The following STAU2 variants were observed in gnomAD, a reference collection of about 807,000 sequenced individuals.
STAU2 encodes staufen double-stranded RNA binding protein 2.
STAU2 carries 20 observed loss-of-function variants against 65.9 expected under a neutral mutation model. The ratio of observed to expected loss-of-function variants is 0.30; its 90% CI spans 0.21 to 0.44. The LOEUF (loss-of-function observed/expected upper bound fraction) is 0.44, where lower values mean the gene tolerates loss of function less well. Ranked by LOEUF, STAU2 falls within the 20% of genes least tolerant of loss-of-function variation. STAU2 has a pLI of 1.00. For synonymous variants in STAU2, 232 were observed against 233.9 expected (o/e 0.99, Z 0.07); for missense variants, 558 against 683.9 (o/e 0.82, Z 2.05).
At chr8:73,500,287 T>C (rs760332073) in intron 13 of STAU2, among the ~76,000 whole-genome samples, 2 of 151,924 alleles carry the variant, frequency 1.3e-5, no homozygotes, top group African/African-American at 4.8e-5. Flanking sequence ...TACCTCTAGA[T>C]TACTTATAAT....
In STAU2 at chr8:73,580,707, G is replaced by A. The variant is rs575575919; in HGVS notation, c.1222+2063C>T. On this transcript the variant is annotated intron_variant, in intron 12 of 14. Transcript: ENST00000524300. Reference sequence around the variant, plus strand: ...GTTGTATTTAAGTGCCAATGAGCTGGCTCAAGGGGACTCAGGTTTCACTTG... The same window carrying A: ...GTTGTATTTAAGTGCCAATGAGCTGACTCAAGGGGACTCAGGTTTCACTTG... Among the ~76,000 whole-genome samples, 47 of 152,284 alleles carry A rather than the reference G, an allele frequency of 3.1e-4. No individual in the cohort carries two copies. The South Asian group carries it at 9.1e-3, about 30-fold the overall frequency.
intron 6 of STAU2, chr8:73,651,497 C>T: frequency 1.4e-6 from 1 of 711,908 alleles, no homozygotes. Flanking sequence ...CTCGGAGTCA[C>T]TGCACGCACC....
chr8:73,479,964 C>T (rs926149732), intron 13 of STAU2, among the ~76,000 whole-genome samples: 7 of 151,804 alleles, frequency 4.6e-5, no homozygotes, highest in African/African-American at 1.7e-4. Context: ...CCAGTCTTTC[C>T]CTCCTTGGTG....
chr8:73,702,237 T>A (rs542445310), intron 4 of STAU2, among the ~76,000 whole-genome samples: 2 of 152,120 alleles, frequency 1.3e-5, no homozygotes, highest in Non-Finnish European at 2.9e-5. Flanking sequence ...TAAAAGAGTA[T>A]AAGTAGATTG....
At chr8:73,600,615 T>G (rs372355395) in intron 10 of STAU2, among the ~76,000 whole-genome samples, 123 of 152,350 alleles carry the variant, frequency 8.1e-4, no homozygotes, top group South Asian at 2.7e-3. Context: ...ATGTTGCTGC[T>G]GGAATCCTTG....
chr8:73,582,608 T>G (rs1810071429), intron 12 of STAU2, among the ~76,000 whole-genome samples, 162 bp downstream of exon 12: 1 of 152,124 alleles, frequency 6.6e-6, no homozygotes, highest in Non-Finnish European at 1.5e-5. Context: ...TTTCCAGCTA[T>G]TCTGTCAGTT....
At chr8:73,459,580 C>T (rs1452143196) in intron 13 of STAU2, among the ~76,000 whole-genome samples, 5 of 152,118 alleles carry the variant, frequency 3.3e-5, no homozygotes, top group African/African-American at 9.7e-5. Context: ...AGTCGCCTCT[C>T]GTTAAGGTGA....
intron 3 of STAU2, among the ~76,000 whole-genome samples, chr8:73,717,622 T>G (rs925900201): frequency 1.6e-4 from 24 of 150,054 alleles, no homozygotes; most frequent in African/African-American, 5.9e-4. Context: ...CTATTTGTCT[T>G]TTGTTGTTGT....
At chr8:73,673,083 C>T (rs377459491) in intron 6 of STAU2, 24 bp downstream of exon 6, 58 of 1,514,238 alleles carry the variant, frequency 3.8e-5, no homozygotes, top group Non-Finnish European at 4.0e-5. Context: ...TAATTAAGAA[C>T]AAAACCAAAA....
In STAU2 at chr8:73,552,240, A is replaced by T; in HGVS notation, c.1302T>A (p.Thr434=). The change falls in exon 13 of 15, where the codon ACT becomes ACA. Residue 434 remains threonine, a synonymous_variant. Transcript: ENST00000524300. ...CTTTGGGTGACAAATAGCCTAGAGT[A>T]GTGCCAGAGATTACTTTGTGGCGGC... ...EASRHKVISG[T]TLGYLSPKDM... is the part of the protein sequence containing the mutation. 1 of 1,613,908 alleles carries T rather than the reference A, an allele frequency of 6.2e-7. No individual in the cohort carries two copies. The highest frequency in any genetic ancestry group is 1.1e-5 in the South Asian group (1 of 91,048).
At chr8:73,702,210 T>G (rs1820160723) in intron 4 of STAU2, among the ~76,000 whole-genome samples, 1 of 152,154 alleles carries the variant, frequency 6.6e-6, no homozygotes, top group Non-Finnish European at 1.5e-5. Context: ...TAATTTAATT[T>G]TACACTTTAA....
intron 1 of STAU2, chr8:73,742,094 T>A (rs1330078274): frequency 2.1e-6 from 1 of 465,462 alleles, no homozygotes; most frequent in African/African-American, 2.1e-5. Context: ...CAATTCAGAA[T>A]GTTCACAGTG....
chr8:73,565,651 C>T (rs1808550901), intron 12 of STAU2, among the ~76,000 whole-genome samples: 1 of 152,132 alleles, frequency 6.6e-6, no homozygotes, highest in Admixed American at 6.5e-5. Context: ...TTTAACCCAC[C>T]ACCACCATGA....
Position 73,729,559 on chromosome 8 carries a change from T to C in STAU2, c.-18+8725A>G, listed in dbSNP as rs1364884625. Reference sequence around the variant, plus strand: ...GGTAGAATCCACCAGAGAAGCAATATGGTACTGGACTTCTGATTGGGAGTT... The same window carrying C: ...GGTAGAATCCACCAGAGAAGCAATACGGTACTGGACTTCTGATTGGGAGTT... On this transcript the variant is annotated intron_variant, in intron 3 of 14. Transcript: ENST00000524300. 2.0e-5 allele frequency among the ~76,000 whole-genome samples: 3 copies of C among 152,250 alleles called. No homozygotes were observed. In the East Asian group the frequency reaches 5.8e-4, roughly 29 times the overall value.
At chr8:73,497,491 G>A (rs560265290) in intron 13 of STAU2, among the ~76,000 whole-genome samples, 35 of 151,734 alleles carry the variant, frequency 2.3e-4, no homozygotes, top group Admixed American at 1.1e-3. Context: ...GAAAGGCCAT[G>A]TTCATTAAAA....
At chr8:73,427,163 G>A (rs184276598) in intron 13 of STAU2, among the ~76,000 whole-genome samples, 2,432 of 152,010 alleles carry the variant, frequency 0.016, 29 homozygotes, top group Middle Eastern at 0.034. Context: ...CCCGACCTCA[G>A]GTGACCCGCC....
chr8:73,645,074 C>T (rs553999397), intron 6 of STAU2, among the ~76,000 whole-genome samples: 50 of 152,228 alleles, frequency 3.3e-4, no homozygotes, highest in African/African-American at 1.0e-3. Context: ...TGTCTCCCAA[C>T]TCTTTTTATG....
At chr8:73,651,337 C>A in intron 6 of STAU2, 1 of 682,830 alleles carries the variant, frequency 1.5e-6, no homozygotes. Context: ...TGGAGGGCAT[C>A]TTCCAGCACC....
intron 13 of STAU2, among the ~76,000 whole-genome samples, chr8:73,526,953 C>T (rs1010809122): frequency 1.3e-5 from 2 of 152,154 alleles, no homozygotes; most frequent in Non-Finnish European, 2.9e-5. Flanking sequence ...AAAGTTTACA[C>T]AGTTGTTCTA....
Sources: gnomAD v4.1 joint callset for allele counts (sites outside exome capture counted in the v4.1 genomes callset) on GRCh38, gnomAD v4.1.1 for gene constraint, MANE v1.5 for transcripts, NCBI Gene and HGNC (gene_info 2026-07-23, HGNC 2026-07-21) for gene names.